Variants in PER1 observed in about 807,000 individuals in gnomAD.
The protein encoded by PER1 is period circadian protein homolog 1.
PER1 carries 87 observed loss-of-function variants against 125.9 expected under a neutral mutation model. That is an observed-to-expected ratio of 0.69 (90% CI 0.58 to 0.83). PER1 has a LOEUF of 0.83. Among genes scored for constraint, PER1 ranks in the 40% least tolerant of loss-of-function variants. The pLI is 0.00. For missense variants in PER1, 1,775 were observed against 1,722.8 expected (o/e 1.03, Z -0.54); for synonymous variants, 801 against 714.7 (o/e 1.12, Z -1.93).
rs778285983 is a variant in PER1 at position 8,147,342 on chromosome 17, C to A, written c.1537G>T (p.Gly513Cys). The A allele has an allele frequency of 1.2e-6, 2 of 1,613,546 alleles. No homozygotes were observed. Among genetic ancestry groups the A allele is most frequent in the Non-Finnish European group, 1.7e-6 (2 of 1,179,930 alleles). Residue 513 changes from glycine (G) to cysteine (C), a missense_variant, in exon 13 of 23, where the codon GGC becomes TGC. Physicochemically the swap from Gly to Cys is radical, Grantham distance 159. Coordinates refer to ENST00000317276, the MANE Select transcript of PER1 (RefSeq NM_002616.3). ...AGAGGGCCTGGGGATGTCACGGCGC[C>A]GACTCCACAGAGTCCCGTGGGGCTG... ...SPSPTGLCGV[G>C]AVTSPGPLHS...
intron 13 of PER1, 36 bp downstream of exon 13, chr17:8,147,214 G>C: frequency 6.3e-7 from 1 of 1,577,188 alleles, no homozygotes; most frequent in Non-Finnish European, 8.6e-7. Flanking sequence ...GAGGGGAAAG[G>C]GCGATTAGAG....
Position 8,141,942 on chromosome 17 carries a change from C to G in PER1, c.3463G>C (p.Val1155Leu). 6.2e-7 allele frequency: 1 copy of G among 1,614,002 alleles called. No individual in the cohort carries two copies. The highest frequency in any genetic ancestry group is 8.5e-7 in the Non-Finnish European group (1 of 1,180,026). Residue 1155 changes from valine (V) to leucine (L), a missense_variant, in exon 22 of 23, where the codon GTG (valine) becomes CTG (leucine). Val to Leu is a conservative substitution (Grantham distance 32). Transcript: ENST00000317276. ...YQVPSRDMTS[V>L]LKQDRERLRA... ...AGCCGCTCCCGATCCTGCTTCAGCACAGAGGTCATGTCCCTGCCCAAGAAG... is the reference window on the plus strand; with the variant it reads ...AGCCGCTCCCGATCCTGCTTCAGCAGAGAGGTCATGTCCCTGCCCAAGAAG...
chr17:8,142,582 G>A lies in PER1; in HGVS notation c.3259+67C>T, dbSNP rs543308624. ...TGGCCTTAGGAAGCTCCGCCAAGAC[G>A]GGGCCTGGGCTCCCGGCTCCCCAAT... On this transcript the variant is annotated intron_variant, in intron 20 of 22. Transcript: ENST00000317276. 27 of 1,584,836 alleles carry A rather than the reference G, an allele frequency of 1.7e-5. No homozygotes were observed. In the East Asian group the frequency reaches 2.3e-4, roughly 13 times the overall value.
chr17:8,146,926 G>T lies in PER1; in HGVS notation c.1706C>A (p.Ala569Asp), dbSNP rs772036418. ...GAGGCGGGGCCGGGACTGAGGCCGG[G>T]CCCGAGACTCAATAAAAAGCTGCTG... ...QGQQLFIESR[A>D]RPQSRPRLPA... The change falls in exon 14 of 23, where the codon GCC becomes GAC. Residue 569 changes from alanine to aspartate, a missense_variant. Physicochemically the swap from Ala to Asp is moderately radical, Grantham distance 126. Coordinates refer to ENST00000317276, the MANE Select transcript of PER1 (RefSeq NM_002616.3). 1 of 1,613,970 alleles carries T rather than the reference G, an allele frequency of 6.2e-7. No individual in the cohort carries two copies.
In PER1 at chr17:8,147,784, G is replaced by A. The variant is rs374127952; in HGVS notation, c.1278C>T (p.Arg426=). ...AGQPFDHSPI[R]FCARNGEYVT... ...CATACTCCCCGTTGCGGGCACAGAA[G>A]CGGATAGGGGAGTGGTCAAAGGGCT... The change falls in exon 11 of 23, where the codon CGC becomes CGT. Residue 426 remains arginine (R), a synonymous_variant. Coordinates refer to ENST00000317276, the MANE Select transcript of PER1 (RefSeq NM_002616.3). The A allele has an allele frequency of 2.8e-4, 456 of 1,613,968 alleles. No homozygotes were observed. Among genetic ancestry groups the A allele is most frequent in the Admixed American group, 8.3e-4 (50 of 60,006 alleles).
In PER1 at chr17:8,141,077, G is replaced by A. The variant is rs1982048677; in HGVS notation, c.3864C>T (p.Cys1288=). Residue 1288 remains cysteine (C), a synonymous_variant, in exon 23 of 23, where the codon TGC becomes TGT. Transcript: ENST00000317276. ...GGTCCCAGAATGGAGTCTAGCTGGT[G>A]CAGTTTCCTGCTGTAGGTAAGGCTG... ...SSPALPTAGN[C]TS The A allele has an allele frequency of 3.1e-6, 5 of 1,612,562 alleles. No individual in the cohort carries two copies. Among genetic ancestry groups the A allele is most frequent in the Non-Finnish European group, 2.5e-6 (3 of 1,178,912 alleles).
chr17:8,148,395 C>A, intron 8 of PER1, 136 bp from the exon 9 acceptor site: 1 of 832,636 alleles, frequency 1.2e-6, no homozygotes. Context: ...CAAAGATGGT[C>A]TGGGCCAATC....
chr17:8,146,774 A>G lies in PER1; in HGVS notation c.1736-9T>C, dbSNP rs764443698. On this transcript the variant is annotated splice_polypyrimidine_tract_variant and intron_variant, in intron 14 of 22. Coordinates refer to ENST00000317276, the MANE Select transcript of PER1 (RefSeq NM_002616.3). ...CTTGAACGTGCCTGTAGCTGGGGCA[A>G]AGAGAGAAAGAGGAAAATAGCCTTC... is the stretch of plus-strand genomic sequence containing the variant. 1 of 1,608,414 alleles carries G rather than the reference A, an allele frequency of 6.2e-7. No homozygotes were observed. Among genetic ancestry groups the G allele is most frequent in the South Asian group, 1.1e-5 (1 of 90,478 alleles).
At chr17:8,147,641 C>A in intron 11 of PER1, 33 bp downstream of exon 11, 1 of 1,613,820 alleles carries the variant, frequency 6.2e-7, no homozygotes. Flanking sequence ...CTGCCCTATC[C>A]CCAACGCCAG....
Position 8,147,589 on chromosome 17 carries a change from AAG to A in PER1, c.1389-13_1389-12del, listed in dbSNP as rs761097871. On this transcript the variant is annotated splice_polypyrimidine_tract_variant and intron_variant, in intron 11 of 22. Transcript: ENST00000317276. The stretch of plus-strand genomic sequence containing the variant: ...TCATTCAGGGGGGCCCTGTAGAGTG[AAG>A]AGTGAATCCAGCCCTGGCCCGGTCC... 1 of 1,613,394 alleles carries A rather than the reference AAG, an allele frequency of 6.2e-7. No homozygotes were observed. The highest frequency in any genetic ancestry group is 1.1e-5 in the South Asian group (1 of 91,076).
chr17:8,146,935 T>A lies in PER1; in HGVS notation c.1697A>T (p.Glu566Val). 1 of 1,613,928 alleles carries A rather than the reference T, an allele frequency of 6.2e-7. No homozygotes were observed. The highest frequency in any genetic ancestry group is 8.5e-7 in the Non-Finnish European group (1 of 1,179,944). ...CCGGGACTGAGGCCGGGCCCGAGAC[T>A]CAATAAAAAGCTGCTGGCCCTGGTG... ...VKHQGQQLFI[E>V]SRARPQSRPR... Residue 566 changes from glutamate to valine, a missense_variant, in exon 14 of 23, where the codon GAG (glutamate) becomes GTG (valine). Glu to Val is a moderately radical substitution (Grantham distance 121). Transcript: ENST00000317276.
rs1256040630 is a variant in PER1 at position 8,147,357 on chromosome 17, C to T, written c.1522G>A (p.Gly508Arg). The T allele has an allele frequency of 6.2e-7, 1 of 1,613,712 alleles. No individual in the cohort carries two copies. Among genetic ancestry groups the T allele is most frequent in the South Asian group, 1.1e-5 (1 of 91,068 alleles). ...LQPVHSPSPT[G>R]LCGVGAVTSP... Reference sequence around the variant, plus strand: ...GTCACGGCGCCGACTCCACAGAGTCCCGTGGGGCTGGGGCTGTGGACGGGC... The same window carrying T: ...GTCACGGCGCCGACTCCACAGAGTCTCGTGGGGCTGGGGCTGTGGACGGGC... The change falls in exon 13 of 23, where the codon GGA becomes AGA. Residue 508 changes from glycine (G) to arginine (R), a missense_variant. By Grantham distance (125) the Gly-to-Arg change is moderately radical. Coordinates refer to ENST00000317276, the MANE Select transcript of PER1 (RefSeq NM_002616.3).
In PER1 at chr17:8,143,358, G is replaced by C. The variant is rs777117943; in HGVS notation, c.2980C>G (p.Arg994Gly). 1.2e-6 allele frequency: 2 copies of C among 1,612,796 alleles called. No homozygotes were observed. Among genetic ancestry groups the C allele is most frequent in the South Asian group, 1.1e-5 (1 of 90,876 alleles). ...CCTGCAACAGCAGCCCCCTCAGCAC[G>C]GGGGAGCTCCTCCAGCTGCAGCAGA... is the stretch of plus-strand genomic sequence containing the variant. Reference protein sequence around the residue: ...LNLLQLEELPRAEGAAVAGGP... With the variant: ...LNLLQLEELPGAEGAAVAGGP... Residue 994 changes from arginine (R) to glycine (G), a missense_variant, in exon 19 of 23, where the codon CGT (arginine) becomes GGT (glycine). Physicochemically the swap from Arg to Gly is moderately radical, Grantham distance 125 (BLOSUM62 -2). Transcript: ENST00000317276.
intron 14 of PER1, 50 bp downstream of exon 14, chr17:8,146,847 A>G (rs201697974): frequency 5.3e-5 from 85 of 1,605,254 alleles, no homozygotes; most frequent in Non-Finnish European, 6.7e-5. Context: ...GGTGAAGGTC[A>G]GGGGACCCCC....
In PER1 at chr17:8,147,474, A is replaced by T. The variant is rs1235610036; in HGVS notation, c.1493T>A (p.Leu498Gln). Residue 498 changes from leucine (L) to glutamine (Q), a missense_variant, in exon 12 of 23, where the codon CTG (leucine) becomes CAG (glutamine). Coordinates refer to ENST00000317276, the MANE Select transcript of PER1 (RefSeq NM_002616.3). ...CTCCCTCTCCGCTACTCTCACCTGC[A>T]GCAGCAGCCGGTGGATCTGCTCTGA... Reference protein sequence around the residue: ...ELSEQIHRLLLQPVHSPSPTG... With the variant: ...ELSEQIHRLLQQPVHSPSPTG... 6.2e-7 allele frequency: 1 copy of T among 1,613,456 alleles called. No homozygotes were observed. The highest frequency in any genetic ancestry group is 1.7e-5 in the Admixed American group (1 of 59,978).
At chr17:8,142,071 T>C in intron 21 of PER1, 116 bp from the exon 22 acceptor site, 1 of 1,388,846 alleles carries the variant, frequency 7.2e-7, no homozygotes, top group East Asian at 2.4e-5. Flanking sequence ...TCCCCTAAAC[T>C]AGTGCTATGC....
At position 8,141,125 on chromosome 17, in the gene PER1, TTCC is replaced by T. The variant is rs753306867; in HGVS notation, c.3813_3815del (p.Glu1273del). The T allele has an allele frequency of 2.5e-6, 4 of 1,614,076 alleles. No homozygotes were observed. The highest frequency in any genetic ancestry group is 1.7e-5 in the Admixed American group (1 of 60,006). ...CTGGACTGGATGAGCTCCTGCCTTC[TTCC>T]TCCTCCTCCATAGCCAAGTCCTGAG... On this transcript the variant is annotated inframe_deletion, in exon 23 of 23. Coordinates refer to ENST00000317276, the MANE Select transcript of PER1 (RefSeq NM_002616.3).
chr17:8,151,438 C>T (rs894174299), intron 1 of PER1, among the ~76,000 whole-genome samples: 20 of 152,042 alleles, frequency 1.3e-4, no homozygotes, highest in Non-Finnish European at 2.1e-4. Context: ...CACTGGTGGG[C>T]GCGGCCGGGG....
In PER1 at chr17:8,150,440, G is replaced by A. The variant is rs752179331; in HGVS notation, c.267C>T (p.Ser89=). Residue 89 remains serine (S), a synonymous_variant, in exon 2 of 23, where the codon AGC becomes AGT. Transcript: ENST00000317276. The part of the protein sequence containing the change: ...KDSALLETTE[S]SKSTNSQSPS... ...TACACATCCATACACACCTCTTGCT[G>A]CTCTCAGTGGTCTCCAGCAGGGCTG... is the stretch of plus-strand genomic sequence containing the variant. 16 of 1,610,954 alleles carry A rather than the reference G, an allele frequency of 9.9e-6. No homozygotes were observed. The highest frequency in any genetic ancestry group is 1.4e-5 in the Non-Finnish European group (16 of 1,178,320).
Sources: gnomAD v4.1 joint callset for allele counts (sites outside exome capture counted in the v4.1 genomes callset) on GRCh38, gnomAD v4.1.1 for gene constraint, MANE v1.5 for transcripts, NCBI Gene and HGNC (gene_info 2026-07-23, HGNC 2026-07-21) for gene names.